NUDT9: variants seen among roughly 807,000 people sequenced by gnomAD.
NUDT9 encodes ADP-ribose pyrophosphatase.
Under a neutral mutation model 41.0 loss-of-function variants are expected in NUDT9, and 31 were observed. The ratio of observed to expected loss-of-function variants is 0.76; its 90% CI spans 0.57 to 1.02. NUDT9 has a LOEUF of 1.02. Among genes scored for constraint, NUDT9 ranks in the 50% least tolerant of loss-of-function variants. NUDT9 has a pLI of 0.00. For synonymous variants in NUDT9, 146 were observed against 147.6 expected (o/e 0.99, Z 0.08); for missense variants, 380 against 431.4 (o/e 0.88, Z 1.06).
At chr4:87,430,548 AT>A (rs887077174) in intron 1 of NUDT9, among the ~76,000 whole-genome samples, 1 of 151,802 alleles carries the variant, frequency 6.6e-6, no homozygotes, top group Non-Finnish European at 1.5e-5. Context: ...GTTTGATGTC[AT>A]TTTTTTTATT....
chr4:87,449,897 C>T (rs1209847517), intron 5 of NUDT9, among the ~76,000 whole-genome samples: 3 of 152,032 alleles, frequency 2.0e-5, no homozygotes, highest in African/African-American at 7.2e-5. Flanking sequence ...GAGTCTCACT[C>T]TGTTGCCCAG....
intron 4 of NUDT9, among the ~76,000 whole-genome samples, chr4:87,448,509 C>T (rs1347772088): frequency 6.6e-6 from 1 of 151,400 alleles, no homozygotes; most frequent in East Asian, 1.9e-4. Context: ...TTAGATAGGC[C>T]CTCTCTCTGT....
At chr4:87,424,108 T>C (rs1381637075) in intron 1 of NUDT9, among the ~76,000 whole-genome samples, 1 of 152,154 alleles carries the variant, frequency 6.6e-6, no homozygotes, top group East Asian at 1.9e-4. Flanking sequence ...TTTGGACTTT[T>C]TGCTTGGAGA....
chr4:87,432,780 T>A (rs1041369294), intron 1 of NUDT9, among the ~76,000 whole-genome samples: 1 of 152,058 alleles, frequency 6.6e-6, no homozygotes, highest in Non-Finnish European at 1.5e-5. Flanking sequence ...TTTTTTTTTT[T>A]ATTTTGTTAA....
chr4:87,432,989 G>A (rs1197287620), intron 1 of NUDT9, among the ~76,000 whole-genome samples: 1 of 152,060 alleles, frequency 6.6e-6, no homozygotes, highest in African/African-American at 2.4e-5. Context: ...TCAAGCTTTA[G>A]TATCAGGATA....
chr4:87,423,154 C>G (rs532892572), intron 1 of NUDT9, 142 bp downstream of exon 1: 15 of 536,784 alleles, frequency 2.8e-5, no homozygotes, highest in Non-Finnish European at 4.5e-5. Flanking sequence ...CAAAAAGGCT[C>G]TAAAATATTT....
At chr4:87,440,126 ATAT>A (rs1393211409) in intron 3 of NUDT9, among the ~76,000 whole-genome samples, 2 of 152,204 alleles carry the variant, frequency 1.3e-5, no homozygotes, top group Non-Finnish European at 2.9e-5. Flanking sequence ...AATTATAAAA[ATAT>A]TATGAAAAGA....
intron 6 of NUDT9, among the ~76,000 whole-genome samples, chr4:87,453,032 G>A (rs888410017): frequency 6.6e-6 from 1 of 151,964 alleles, no homozygotes; most frequent in Non-Finnish European, 1.5e-5. Context: ...GGCAGGTCTT[G>A]AACTCTTGAC....
intron 1 of NUDT9, among the ~76,000 whole-genome samples, chr4:87,430,187 C>T (rs1001213868): frequency 7.2e-5 from 11 of 152,170 alleles, no homozygotes; most frequent in African/African-American, 2.7e-4. Context: ...GGCCATGAGC[C>T]ACAGAATGCA....
rs10631832 is a variant in NUDT9 at position 87,439,165 on chromosome 4, C to CAAA, written c.443+802_443+804dup. On this transcript the variant is annotated intron_variant, in intron 3 of 7. Transcript: ENST00000302174. ...TGGGCGACAGAGCGAGACTCCATCTCAAAAAAAAAAATAGACATACCCAAG... is the reference window on the plus strand; with the variant it reads ...TGGGCGACAGAGCGAGACTCCATCTCAAAAAAAAAAAAAATAGACATACCCAAG... Among the ~76,000 whole-genome samples the CAAA allele has an allele frequency of 8.5e-4, 123 of 145,276 alleles. 1 individual carries two copies. The highest frequency in any genetic ancestry group is 3.6e-3 in the Middle Eastern group (1 of 280).
At position 87,422,891 on chromosome 4, in the gene NUDT9, G is replaced by GC; in HGVS notation, c.-12dup. 1 of 1,604,474 alleles carries GC rather than the reference G, an allele frequency of 6.2e-7. No homozygotes were observed. On this transcript the variant is annotated 5_prime_UTR_variant, in exon 1 of 8. Coordinates refer to ENST00000302174, the MANE Select transcript of NUDT9 (RefSeq NM_024047.5). ...AAGAGCGACCTAGCATCGCAAAGCC[G>GC]CCCTCGGGGCGCTCATGGCGGGACG... is the stretch of plus-strand genomic sequence containing the variant.
chr4:87,447,426 C>T (rs1722505533), intron 4 of NUDT9, among the ~76,000 whole-genome samples: 1 of 151,612 alleles, frequency 6.6e-6, no homozygotes. Context: ...TGGGTTTCAT[C>T]CAGAGTAATA....
intron 1 of NUDT9, among the ~76,000 whole-genome samples, chr4:87,430,043 G>A (rs1471925636): frequency 2.0e-5 from 3 of 152,154 alleles, no homozygotes; most frequent in African/African-American, 7.2e-5. Flanking sequence ...TTTGAGATGG[G>A]GAGAGCATCC....
chr4:87,454,279 T>C (rs924680139), intron 6 of NUDT9, 92 bp from the exon 7 acceptor site: 1 of 710,940 alleles, frequency 1.4e-6, no homozygotes, highest in Admixed American at 2.0e-5. Flanking sequence ...GGCAACAGGA[T>C]ATTTACATTT....
chr4:87,438,443 C>A, intron 3 of NUDT9, 71 bp downstream of exon 3: 1 of 846,806 alleles, frequency 1.2e-6, no homozygotes, highest in South Asian at 1.4e-5. Flanking sequence ...TCATATTTAT[C>A]AAATCCTTGT....
intron 1 of NUDT9, among the ~76,000 whole-genome samples, chr4:87,423,433 T>C (rs549673325): frequency 2.6e-5 from 4 of 152,130 alleles, no homozygotes; most frequent in Non-Finnish European, 5.9e-5. Flanking sequence ...GTGGACAATA[T>C]ATTATATTTA....
Position 87,449,448 on chromosome 4 carries a change from T to C in NUDT9, c.642+195T>C, listed in dbSNP as rs555937780. On this transcript the variant is annotated intron_variant, in intron 5 of 7. Transcript: ENST00000302174. ...TTAGGATAATCCAAGACTGTTAGAA[T>C]CTGCGTGTAATTCTGACACCTTTGG... Among the ~76,000 whole-genome samples, 6 of 152,344 alleles carry C rather than the reference T, an allele frequency of 3.9e-5. No homozygotes were observed. The South Asian group carries it at 1.0e-3, about 26-fold the overall frequency.
At chr4:87,450,666 T>C (rs10015443) in intron 5 of NUDT9, among the ~76,000 whole-genome samples, 91,009 of 152,058 alleles carry the variant, frequency 0.6, 27,474 homozygotes, top group East Asian at 0.69. Flanking sequence ...CATGAGCCAC[T>C]GTGCTTGGTG....
intron 4 of NUDT9, among the ~76,000 whole-genome samples, chr4:87,448,833 T>C (rs1009609538): frequency 2.0e-5 from 3 of 152,190 alleles, no homozygotes; most frequent in Non-Finnish European, 2.9e-5. Flanking sequence ...AACCTTTTCT[T>C]TAAATTCTAT....
Sources: allele counts gnomAD v4.1 joint callset (sites outside exome capture counted in the v4.1 genomes callset), GRCh38; gene constraint gnomAD v4.1.1; transcripts MANE v1.5; gene names NCBI Gene and HGNC (gene_info 2026-07-23, HGNC 2026-07-21).